CSMD1: variants seen among roughly 807,000 people sequenced by gnomAD.
CSMD1 encodes the protein CUB and Sushi multiple domains 1.
A neutral mutation model predicts 417.5 loss-of-function variants in CSMD1; 213 were observed. The ratio of observed to expected loss-of-function variants is 0.51; its 90% confidence interval spans 0.46 to 0.57. The LOEUF (loss-of-function observed/expected upper bound fraction) is 0.57, where lower values mean the gene tolerates loss of function less well. CSMD1 is among the 20% of genes least tolerant of loss of function. CSMD1 has a pLI of 0.00. For missense variants in CSMD1, 6,923 were observed against 4,529.7 expected (o/e 1.53, Z -15.17); for synonymous variants, 2,862 against 1,736.8 (o/e 1.65, Z -16.11).
At chr8:3,315,973 A>G (rs1805725625) in intron 23 of CSMD1, among the ~76,000 whole-genome samples, 2 of 152,206 alleles carry the variant, frequency 1.3e-5, no homozygotes, top group Admixed American at 1.3e-4. Context: ...GTTAATATCA[A>G]TTCTGAGACG....
intron 3 of CSMD1, among the ~76,000 whole-genome samples, chr8:4,133,189 T>C (rs946801356): frequency 4.6e-5 from 7 of 152,042 alleles, no homozygotes; most frequent in African/African-American, 1.7e-4. Context: ...GCCCACCTCA[T>C]CCTCCCAAAG....
intron 8 of CSMD1, among the ~76,000 whole-genome samples, chr8:3,610,732 T>C (rs1271779708): frequency 3.9e-5 from 6 of 152,092 alleles, no homozygotes; most frequent in Non-Finnish European, 7.4e-5. Context: ...AATTATAATT[T>C]TTATGCTCAG....
At chr8:4,114,199 G>C (rs1161467374) in intron 3 of CSMD1, among the ~76,000 whole-genome samples, 3 of 152,204 alleles carry the variant, frequency 2.0e-5, no homozygotes, top group Admixed American at 6.5e-5. Flanking sequence ...AGCTCATGCA[G>C]CTGGTAACTT....
At chr8:4,406,606 G>A (rs1158149885) in intron 3 of CSMD1, among the ~76,000 whole-genome samples, 3 of 152,094 alleles carry the variant, frequency 2.0e-5, no homozygotes, top group African/African-American at 7.2e-5. Context: ...CCCACACCAA[G>A]GAAAGTGACC....
intron 2 of CSMD1, among the ~76,000 whole-genome samples, chr8:4,520,520 C>T (rs1271385002): frequency 1.3e-5 from 2 of 152,148 alleles, no homozygotes; most frequent in South Asian, 2.1e-4. Context: ...AAAGACATCC[C>T]GATAGGTGTC....
At chr8:3,348,345 C>T (rs1042011142) in intron 21 of CSMD1, among the ~76,000 whole-genome samples, 184 bp from the exon 22 acceptor site, 2 of 152,042 alleles carry the variant, frequency 1.3e-5, no homozygotes, top group African/African-American at 4.8e-5. Context: ...AAAAAAGATA[C>T]CCCACCTAGC....
At chr8:3,912,507 A>T (rs1808528937) in intron 5 of CSMD1, among the ~76,000 whole-genome samples, 1 of 152,206 alleles carries the variant, frequency 6.6e-6, no homozygotes, top group Non-Finnish European at 1.5e-5. Context: ...CATATTGCAT[A>T]CAATGGAAAT....
At chr8:4,759,243 T>C (rs922137991) in intron 1 of CSMD1, among the ~76,000 whole-genome samples, 20 of 152,068 alleles carry the variant, frequency 1.3e-4, no homozygotes, top group South Asian at 2.1e-4. Context: ...ATCAGTGTCG[T>C]TGGATGATGA....
At chr8:4,768,035 G>C (rs1029359847) in intron 1 of CSMD1, among the ~76,000 whole-genome samples, 7 of 152,166 alleles carry the variant, frequency 4.6e-5, no homozygotes, top group African/African-American at 1.7e-4. Flanking sequence ...CACATGCGTT[G>C]AGTTAGTCTT....
At chr8:4,570,657 T>C (rs2130652937) in intron 2 of CSMD1, among the ~76,000 whole-genome samples, 1 of 152,358 alleles carries the variant, frequency 6.6e-6, no homozygotes, top group East Asian at 1.9e-4. Flanking sequence ...GCTGGCCTCA[T>C]AAAATGAGTT....
At chr8:3,685,952 T>A (rs905989581) in intron 7 of CSMD1, among the ~76,000 whole-genome samples, 4 of 152,190 alleles carry the variant, frequency 2.6e-5, no homozygotes, top group Non-Finnish European at 5.9e-5. Flanking sequence ...AATTATTTTT[T>A]ACTATATTCA....
At chr8:3,328,382 C>T (rs1806675641) in intron 23 of CSMD1, among the ~76,000 whole-genome samples, 1 of 152,238 alleles carries the variant, frequency 6.6e-6, no homozygotes, top group Non-Finnish European at 1.5e-5. Context: ...GTGACTTTTA[C>T]AGTTTATCCA....
At chr8:4,868,336 C>G (rs144342805) in intron 1 of CSMD1, among the ~76,000 whole-genome samples, 2 of 152,026 alleles carry the variant, frequency 1.3e-5, no homozygotes, top group African/African-American at 2.4e-5. Context: ...TGGGTTCGAG[C>G]GATTCGCCTG....
chr8:4,839,575 C>G (rs1317344508), intron 1 of CSMD1, among the ~76,000 whole-genome samples: 1 of 151,952 alleles, frequency 6.6e-6, no homozygotes, highest in African/African-American at 2.4e-5. Context: ...AACGATCGGC[C>G]CAAGAGATGA....
chr8:3,041,753 C>T (rs1426396980), intron 50 of CSMD1, among the ~76,000 whole-genome samples: 1 of 152,196 alleles, frequency 6.6e-6, no homozygotes, highest in Non-Finnish European at 1.5e-5. Context: ...CGATAAACTT[C>T]ATAGTTCAAC....
chr8:3,895,029 G>T (rs1202253978), intron 5 of CSMD1, among the ~76,000 whole-genome samples: 1 of 152,098 alleles, frequency 6.6e-6, no homozygotes, highest in Non-Finnish European at 1.5e-5. Flanking sequence ...CATTTGTGAG[G>T]TATTTATTAT....
intron 3 of CSMD1, among the ~76,000 whole-genome samples, chr8:4,280,216 G>A (rs906779581): frequency 3.3e-5 from 5 of 152,156 alleles, no homozygotes; most frequent in African/African-American, 1.2e-4. Context: ...GCCAATCAAA[G>A]GTTACTTTCT....
At chr8:3,470,380 T>G (rs1232068564) in intron 11 of CSMD1, among the ~76,000 whole-genome samples, 2 of 152,218 alleles carry the variant, frequency 1.3e-5, no homozygotes, top group Non-Finnish European at 2.9e-5. Flanking sequence ...GATACACATG[T>G]GGTAGGTAGT....
At chr8:4,241,352 C>T (rs144420804) in intron 3 of CSMD1, among the ~76,000 whole-genome samples, 1 of 152,330 alleles carries the variant, frequency 6.6e-6, no homozygotes, top group African/African-American at 2.4e-5. Flanking sequence ...CTTCAGTTCT[C>T]ACCTTCGAGT....
Sources: gnomAD v4.1 joint callset for allele counts (sites outside exome capture counted in the v4.1 genomes callset) on GRCh38, gnomAD v4.1.1 for gene constraint, MANE v1.5 for transcripts, NCBI Gene and HGNC (gene_info 2026-07-23, HGNC 2026-07-21) for gene names.